LARP4B: variants seen among roughly 807,000 people sequenced by gnomAD.
LARP4B encodes the protein La ribonucleoprotein 4B, also known as la-related protein 4B.
In LARP4B, 12 loss-of-function variants were observed where a neutral mutation model predicts 89.8. The observed-to-expected ratio is 0.13, with a 90% CI of 0.09 to 0.22. The LOEUF is 0.22. Ranked by LOEUF, LARP4B falls within the 10% of genes least tolerant of loss-of-function variation. LARP4B has a pLI of 1.00. For missense variants in LARP4B, 757 were observed against 947.7 expected (o/e 0.80, Z 2.64); for synonymous variants, 367 against 363.3 (o/e 1.01, Z -0.12).
the LARP4B span, among the ~76,000 whole-genome samples, chr10:937,700 G>A: frequency 6.6e-6 from 1 of 151,922 alleles, no homozygotes; most frequent in Admixed American, 6.6e-5. Flanking sequence ...TTCTGCAAAT[G>A]ACCCATAATC....
chr10:947,318 T>G, the LARP4B span, among the ~76,000 whole-genome samples: 1 of 152,014 alleles, frequency 6.6e-6, no homozygotes, highest in Non-Finnish European at 1.5e-5. Context: ...ATGGAAGATA[T>G]AAGGCACAGT....
chr10:914,517 T>A (rs746682861), intron 1 of LARP4B, among the ~76,000 whole-genome samples: 16 of 127,608 alleles, frequency 1.3e-4, no homozygotes, highest in Non-Finnish European at 1.9e-4. Flanking sequence ...AAAAGTCGAG[T>A]GAGGCGTGGT....
At chr10:808,063 G>A (rs1356976589), downstream of LARP4B, 1 of 152,282 alleles carries the variant, frequency 6.6e-6, no homozygotes, top group East Asian at 1.9e-4. Context: ...AACAACTTCA[G>A]ACTTTGGTGG....
chr10:811,959 C>A lies in LARP4B; in HGVS notation c.*967G>T, dbSNP rs1242741440. ...TCCACCAGCCAAAGAGGGGGAAAAA[C>A]CACAAACACCATTCTCTCACGATTA... On this transcript the variant is annotated 3_prime_UTR_variant, in exon 18 of 18. Transcript: ENST00000316157. The A allele has an allele frequency of 6.6e-6, 1 of 152,458 alleles. No individual in the cohort carries two copies. The highest frequency in any genetic ancestry group is 2.1e-4 in the South Asian group (1 of 4,828). The allele number at this position is 152,458 out of a possible 1,614,324, so 9.4% of individuals were successfully genotyped here.
intron 1 of LARP4B, among the ~76,000 whole-genome samples, chr10:886,941 T>C (rs1350252843): frequency 1.3e-5 from 2 of 151,938 alleles, no homozygotes; most frequent in South Asian, 2.1e-4. Flanking sequence ...AATACAAAAT[T>C]AGCTGGGTGT....
the LARP4B span, among the ~76,000 whole-genome samples, chr10:937,636 C>T: frequency 4.6e-5 from 7 of 152,154 alleles, no homozygotes; most frequent in South Asian, 2.1e-4. Flanking sequence ...TATGGTATTC[C>T]GGCTAAAATT....
In LARP4B at chr10:851,662, G is replaced by T. The variant is rs144384595; in HGVS notation, c.431-6607C>A. ...GTGCTGTAAATCCCACAACTCAGATGAAATAGACCAAATCTTTGTAACTAT... is the reference window on the plus strand; with the variant it reads ...GTGCTGTAAATCCCACAACTCAGATTAAATAGACCAAATCTTTGTAACTAT... On this transcript the variant is annotated intron_variant, in intron 5 of 17. Coordinates refer to ENST00000316157, the MANE Select transcript of LARP4B (RefSeq NM_015155.3). Among the ~76,000 whole-genome samples, 54 of 152,266 alleles carry T rather than the reference G, an allele frequency of 3.5e-4. No homozygotes were observed. In the East Asian group the frequency reaches 6.0e-3, roughly 17 times the overall value.
intron 3 of LARP4B, among the ~76,000 whole-genome samples, chr10:869,282 G>A (rs1033460328): frequency 2.6e-5 from 4 of 152,222 alleles, no homozygotes; most frequent in Admixed American, 6.5e-5. Context: ...TACCTTCAAT[G>A]GGCTCACATG....
the LARP4B span, among the ~76,000 whole-genome samples, chr10:982,151 T>C: frequency 6.8e-6 from 1 of 147,928 alleles, no homozygotes; most frequent in African/African-American, 2.5e-5. Flanking sequence ...AATCTTACTA[T>C]GTTGCCCAGG....
intron 1 of LARP4B, among the ~76,000 whole-genome samples, chr10:919,080 CA>C (rs1403100870): frequency 6.6e-6 from 1 of 151,298 alleles, no homozygotes; most frequent in Non-Finnish European, 1.5e-5. Flanking sequence ...GACTCCGTCT[CA>C]AAAAAAAGAT....
At chr10:887,060 C>T (rs1835878332) in intron 1 of LARP4B, among the ~76,000 whole-genome samples, 1 of 151,876 alleles carries the variant, frequency 6.6e-6, no homozygotes, top group Admixed American at 6.6e-5. Context: ...GCACTCCAGA[C>T]TGGGCAACAA....
intron 1 of LARP4B, among the ~76,000 whole-genome samples, chr10:931,112 C>T (rs1253091654): frequency 6.6e-6 from 1 of 150,996 alleles, no homozygotes; most frequent in African/African-American, 2.4e-5. Flanking sequence ...AGCCCCGGCC[C>T]CGGCCTTCCC....
chr10:905,105 T>A (rs1836453272), intron 1 of LARP4B, among the ~76,000 whole-genome samples: 1 of 152,100 alleles, frequency 6.6e-6, no homozygotes, highest in South Asian at 2.1e-4. Flanking sequence ...TATCCCAAAC[T>A]CCAAAAATAA....
chr10:860,519 G>T (rs748757694), intron 5 of LARP4B, among the ~76,000 whole-genome samples: 10 of 152,142 alleles, frequency 6.6e-5, no homozygotes, highest in African/African-American at 9.7e-5. Context: ...AAATCTTGCT[G>T]ACAAATGTTC....
At chr10:882,606 C>G (rs932265308) in intron 3 of LARP4B, among the ~76,000 whole-genome samples, 1 of 152,136 alleles carries the variant, frequency 6.6e-6, no homozygotes, top group East Asian at 1.9e-4. Context: ...CCAGGATGGT[C>G]TCGATCTCAG....
At chr10:853,318 A>G (rs1232927664) in intron 5 of LARP4B, among the ~76,000 whole-genome samples, 2 of 152,240 alleles carry the variant, frequency 1.3e-5, no homozygotes, top group African/African-American at 4.8e-5. Flanking sequence ...TGAGTACACT[A>G]AACTGTTGTA....
chr10:883,880 T>C (rs1835768048), intron 3 of LARP4B, among the ~76,000 whole-genome samples: 1 of 152,174 alleles, frequency 6.6e-6, no homozygotes, highest in African/African-American at 2.4e-5. Flanking sequence ...ATTTTTTACA[T>C]AAAATATTTT....
intron 1 of LARP4B, among the ~76,000 whole-genome samples, chr10:923,705 T>G (rs986827371): frequency 6.6e-6 from 1 of 152,176 alleles, no homozygotes. Flanking sequence ...AAGAGAATGT[T>G]CAACATGTTA....
At chr10:948,177 G>A in the LARP4B span, among the ~76,000 whole-genome samples, 1 of 152,060 alleles carries the variant, frequency 6.6e-6, no homozygotes, top group Non-Finnish European at 1.5e-5. Flanking sequence ...CAAAGACCAA[G>A]CTCCAAATAC....
Sources: allele counts gnomAD v4.1 joint callset (sites outside exome capture counted in the v4.1 genomes callset), GRCh38; gene constraint gnomAD v4.1.1; transcripts MANE v1.5; gene names NCBI Gene and HGNC (gene_info 2026-07-23, HGNC 2026-07-21).